STIMATE: variants seen among roughly 807,000 people sequenced by gnomAD.
STIMATE encodes the protein store-operated calcium entry regulator STIMATE.
Under a neutral mutation model 36.7 loss-of-function variants are expected in STIMATE, and 15 were observed. The ratio of observed to expected loss-of-function variants is 0.41; its 90% CI spans 0.27 to 0.63. STIMATE has a LOEUF of 0.63. STIMATE is among the 20% of genes least tolerant of loss of function. The pLI is 0.32. For missense variants in STIMATE, 305 were observed against 397.3 expected, an observed-to-expected ratio of 0.77 and a Z score of 1.98; for synonymous variants, 163 against 162.3, an observed-to-expected ratio of 1.00 and a Z score of -0.03.
intron 7 of STIMATE, 145 bp downstream of exon 7, chr3:52,842,666 T>C: frequency 6.7e-7 from 1 of 1,492,136 alleles, no homozygotes; most frequent in South Asian, 1.3e-5. Context: ...CCCTCGCTCA[T>C]CTCTGGCTCA....
intron 1 of STIMATE, among the ~76,000 whole-genome samples, chr3:52,896,474 C>A (rs1477994414): frequency 3.9e-5 from 6 of 152,160 alleles, no homozygotes; most frequent in Non-Finnish European, 7.3e-5. Flanking sequence ...CCCCCCCACC[C>A]CCCATCAGCA....
chr3:52,897,283 A>G lies in STIMATE; in HGVS notation c.160+8T>C, dbSNP rs200458743. 38 of 1,544,608 alleles carry G rather than the reference A, an allele frequency of 2.5e-5. No individual in the cohort carries two copies. The highest frequency in any genetic ancestry group is 2.8e-5 in the Non-Finnish European group (32 of 1,152,172). On this transcript the variant is annotated splice_region_variant and intron_variant, in intron 1 of 7. Coordinates refer to ENST00000355083, the MANE Select transcript of STIMATE (RefSeq NM_198563.5). ...GGCCTCCGGAGGGTCGGGGGGTCCC[A>G]GACTCACGCATTAACGTGCTGAAGG...
chr3:52,875,965 C>G (rs1187114063), intron 1 of STIMATE, among the ~76,000 whole-genome samples: 1 of 152,210 alleles, frequency 6.6e-6, no homozygotes, highest in Admixed American at 6.5e-5. Flanking sequence ...ACAGGCTCAC[C>G]TGACATGATC....
chr3:52,847,336 C>A, intron 4 of STIMATE: 2 of 1,212,566 alleles, frequency 1.6e-6, no homozygotes, highest in South Asian at 3.0e-5. Context: ...ACATCTGTGG[C>A]GAGAGGCTTT....
intron 4 of STIMATE, among the ~76,000 whole-genome samples, chr3:52,845,633 A>G (rs1369856021): frequency 6.6e-6 from 1 of 152,072 alleles, no homozygotes; most frequent in Non-Finnish European, 1.5e-5. Context: ...TCCATCTGGG[A>G]CCCCTTCAGT....
intron 1 of STIMATE, among the ~76,000 whole-genome samples, chr3:52,890,583 A>G (rs943944429): frequency 3.3e-5 from 5 of 152,234 alleles, no homozygotes; most frequent in Admixed American, 6.5e-5. Flanking sequence ...TATCTCATCC[A>G]AAGTACCAAC....
chr3:52,859,115 T>C (rs924508194), intron 1 of STIMATE, among the ~76,000 whole-genome samples: 107 of 149,682 alleles, frequency 7.1e-4, no homozygotes, highest in African/African-American at 2.6e-3. Flanking sequence ...TGAGCCAAGA[T>C]TGCACCACTG....
intron 4 of STIMATE, chr3:52,847,234 G>T (rs1229671959): frequency 1.7e-6 from 2 of 1,149,490 alleles, no homozygotes; most frequent in Non-Finnish European, 2.2e-6. Context: ...GCTTTTTACT[G>T]CAATGAACAA....
At chr3:52,896,472 C>A (rs1701867103) in intron 1 of STIMATE, among the ~76,000 whole-genome samples, 1 of 151,476 alleles carries the variant, frequency 6.6e-6, no homozygotes, top group Non-Finnish European at 1.5e-5. Flanking sequence ...CCCCCCCCCA[C>A]CCCCCATCAG....
chr3:52,879,020 C>T (rs1457516231), intron 1 of STIMATE, among the ~76,000 whole-genome samples: 1 of 152,172 alleles, frequency 6.6e-6, no homozygotes, highest in African/African-American at 2.4e-5. Context: ...GAACACTGGG[C>T]TTTACCTTAG....
At chr3:52,854,003 GA>G (rs1171899216) in intron 2 of STIMATE, among the ~76,000 whole-genome samples, 2 of 152,150 alleles carry the variant, frequency 1.3e-5, no homozygotes, top group African/African-American at 4.8e-5. Context: ...ACCATTTCAC[GA>G]AGGAAAAATT....
At chr3:52,871,228 A>C (rs1701399781) in intron 1 of STIMATE, among the ~76,000 whole-genome samples, 1 of 152,184 alleles carries the variant, frequency 6.6e-6, no homozygotes, top group East Asian at 1.9e-4. Context: ...GGACCTTTTT[A>C]AACAACCCTC....
chr3:52,850,864 G>A (rs558187942), intron 3 of STIMATE, among the ~76,000 whole-genome samples: 1 of 152,312 alleles, frequency 6.6e-6, no homozygotes, highest in South Asian at 2.1e-4. Flanking sequence ...AAGTAGCTGG[G>A]ATTACAGGCA....
intron 1 of STIMATE, among the ~76,000 whole-genome samples, chr3:52,875,190 C>T (rs916943130): frequency 7.2e-5 from 11 of 152,218 alleles, no homozygotes; most frequent in African/African-American, 2.7e-4. Context: ...TCCCCAGTTT[C>T]ACTACCTCTT....
intron 1 of STIMATE, among the ~76,000 whole-genome samples, chr3:52,882,133 G>C (rs989535854): frequency 6.6e-6 from 1 of 152,196 alleles, no homozygotes; most frequent in African/African-American, 2.4e-5. Context: ...TTCTCAGAAG[G>C]CTCACACAGG....
At chr3:52,847,418 C>T (rs1397292838) in intron 4 of STIMATE, 21 of 1,282,248 alleles carry the variant, frequency 1.6e-5, no homozygotes, top group Non-Finnish European at 2.0e-5. Context: ...TCAGGGCTTC[C>T]ACATGGGAAA....
In STIMATE at chr3:52,849,852, G is replaced by A. The variant is rs201912953; in HGVS notation, c.367C>T (p.Arg123Cys). The A allele has an allele frequency of 2.5e-5, 41 of 1,613,696 alleles. No individual in the cohort carries two copies. Among genetic ancestry groups the A allele is most frequent in the Non-Finnish European group, 3.1e-5 (36 of 1,180,010 alleles). The change falls in exon 4 of 8, where the codon CGC (arginine) becomes TGC (cysteine). Residue 123 changes from arginine to cysteine, a missense_variant. By Grantham distance (180) the Arg-to-Cys change is radical (BLOSUM62 -3). This residue lies in a region of STIMATE where 164 missense variants were observed against 257.9 expected (regional missense o/e 0.64). Transcript: ENST00000355083. ...CACTCTACCAGGACGCTGACGGCGC[G>A]CACCCCCACGTAGATGAGCAGCATG... Reference protein sequence around the residue: ...VGMLLIYVGVRAVSVLVEWQQ... With the variant: ...VGMLLIYVGVCAVSVLVEWQQ...
intron 1 of STIMATE, among the ~76,000 whole-genome samples, chr3:52,861,798 C>A (rs1048205135): frequency 1.3e-5 from 2 of 152,200 alleles, no homozygotes; most frequent in African/African-American, 4.8e-5. Flanking sequence ...CCATACCAAT[C>A]CCTCCTTTGG....
chr3:52,855,145 A>G (rs1575330927), intron 2 of STIMATE, among the ~76,000 whole-genome samples: 1 of 152,336 alleles, frequency 6.6e-6, no homozygotes, highest in Non-Finnish European at 1.5e-5. Flanking sequence ...TGTATCTTCC[A>G]TCTTCTAGAA....
Sources: allele counts gnomAD v4.1 joint callset (sites outside exome capture counted in the v4.1 genomes callset), GRCh38; gene constraint gnomAD v4.1.1; regional missense constraint gnomAD v4.1.1; transcripts MANE v1.5; gene names NCBI Gene and HGNC (gene_info 2026-07-23, HGNC 2026-07-21).